Variants in EPC2 observed in about 807,000 individuals in gnomAD.
EPC2 encodes the protein enhancer of polycomb homolog 2.
A neutral mutation model predicts 92.1 loss-of-function variants in EPC2; 14 were observed. The observed-to-expected ratio is 0.15, with a 90% CI of 0.10 to 0.24. The LOEUF is 0.24. Ranked by LOEUF, EPC2 falls within the 10% of genes least tolerant of loss-of-function variation. The probability of loss-of-function intolerance (pLI) is 1.00; values close to 1 mark genes in which losing one functional copy is unlikely to be tolerated. For synonymous variants in EPC2, 340 were observed against 334.7 expected (o/e 1.02, Z -0.17); for missense variants, 755 against 971.5 (o/e 0.78, Z 2.96).
At chr2:148,732,090 G>T (rs538980567) in intron 2 of EPC2, among the ~76,000 whole-genome samples, 1 of 152,180 alleles carries the variant, frequency 6.6e-6, no homozygotes, top group Non-Finnish European at 1.5e-5. Context: ...CATGGAAGTT[G>T]TCCAGGCTCT....
At position 148,754,018 on chromosome 2, in the gene EPC2, A is replaced by G; in HGVS notation, c.551A>G (p.Asn184Ser). 1 of 1,611,784 alleles carries G rather than the reference A, an allele frequency of 6.2e-7. No individual in the cohort carries two copies. Among genetic ancestry groups the G allele is most frequent in the South Asian group, 1.1e-5 (1 of 90,488 alleles). The change falls in exon 4 of 14, where the codon AAC (asparagine) becomes AGC (serine). Residue 184 changes from asparagine to serine, a missense_variant. Physicochemically the swap from Asn to Ser is conservative, Grantham distance 46. This residue lies in a region of EPC2 where 509 missense variants were observed against 607.7 expected (regional missense o/e 0.84). Transcript: ENST00000258484. Reference sequence around the variant, plus strand: ...GACTACTGGGTGAGAAAACGTAAAAACTGCAGGGGGCCATCCCTCATTCCT... The same window carrying G: ...GACTACTGGGTGAGAAAACGTAAAAGCTGCAGGGGGCCATCCCTCATTCCT... ...VYDYWVRKRKNCRGPSLIPQI... is the reference protein window; with the variant it reads ...VYDYWVRKRKSCRGPSLIPQI...
At chr2:148,680,910 G>T (rs1477844547) in intron 1 of EPC2, among the ~76,000 whole-genome samples, 1 of 152,210 alleles carries the variant, frequency 6.6e-6, no homozygotes, top group Non-Finnish European at 1.5e-5. Flanking sequence ...TAGCAAGAAG[G>T]TTGCTGTAAT....
intron 1 of EPC2, among the ~76,000 whole-genome samples, chr2:148,646,144 A>C (rs1285282863): frequency 6.6e-6 from 1 of 152,126 alleles, no homozygotes; most frequent in African/African-American, 2.4e-5. Flanking sequence ...GAATTTCTTC[A>C]ATGAACCTAC....
intron 2 of EPC2, among the ~76,000 whole-genome samples, chr2:148,709,399 C>T (rs1280673155): frequency 1.3e-5 from 2 of 152,100 alleles, no homozygotes; most frequent in South Asian, 2.1e-4. Context: ...GAATCAATAT[C>T]GTAAAAATGG....
rs13016882 is a variant in EPC2 at position 148,726,778 on chromosome 2, T to G, written c.314-16844T>G. On this transcript the variant is annotated intron_variant, in intron 2 of 13. Transcript: ENST00000258484. ...GTTTTGTTTTTTGTTTTTTTTTTTT[T>G]TGCGTTTTTTTGTTTTTGAGTTTTA... Among the ~76,000 whole-genome samples, 15 of 150,342 alleles carry G rather than the reference T, an allele frequency of 1.0e-4. No homozygotes were observed. In the East Asian group the frequency reaches 1.2e-3, roughly 12 times the overall value.
At chr2:148,755,331 A>G (rs979312800) in intron 4 of EPC2, among the ~76,000 whole-genome samples, 2 of 152,150 alleles carry the variant, frequency 1.3e-5, no homozygotes, top group Admixed American at 6.5e-5. Context: ...AAGACTTTAT[A>G]AATGTGGACT....
intron 2 of EPC2, among the ~76,000 whole-genome samples, chr2:148,698,566 G>A (rs775647387): frequency 6.7e-6 from 1 of 150,334 alleles, no homozygotes; most frequent in Non-Finnish European, 1.5e-5. Flanking sequence ...AACCTGGGAG[G>A]TGGAGGTTTC....
At chr2:148,678,062 T>G (rs1574576668) in intron 1 of EPC2, among the ~76,000 whole-genome samples, 1 of 152,160 alleles carries the variant, frequency 6.6e-6, no homozygotes, top group East Asian at 1.9e-4. Context: ...TCCTGCTGAT[T>G]GGTAGAGCTG....
At chr2:148,682,881 AT>A (rs1265292793) in intron 1 of EPC2, among the ~76,000 whole-genome samples, 3 of 152,016 alleles carry the variant, frequency 2.0e-5, no homozygotes, top group Non-Finnish European at 4.4e-5. Context: ...TGCTACTCCC[AT>A]TCTTTTCTCT....
intron 2 of EPC2, among the ~76,000 whole-genome samples, chr2:148,741,843 AC>A (rs1176239492): frequency 2.6e-5 from 4 of 152,100 alleles, no homozygotes; most frequent in Admixed American, 1.3e-4. Flanking sequence ...CCATCTGTGA[AC>A]CCCTCCTTTT....
Position 148,786,294 on chromosome 2 carries a change from T to C in EPC2, c.2352-11T>C. ...TTGATATTTATTTTATCCTTTGCCT[T>C]ATTACCATAGAGAGAACCACGAACC... On this transcript the variant is annotated splice_polypyrimidine_tract_variant and intron_variant, in intron 13 of 13. Transcript: ENST00000258484. 2 of 1,606,254 alleles carry C rather than the reference T, an allele frequency of 1.2e-6. No homozygotes were observed. Among genetic ancestry groups the C allele is most frequent in the Non-Finnish European group, 1.7e-6 (2 of 1,174,714 alleles).
chr2:148,745,413 T>C (rs1264098163), intron 3 of EPC2, among the ~76,000 whole-genome samples: 1 of 152,074 alleles, frequency 6.6e-6, no homozygotes, highest in African/African-American at 2.4e-5. Flanking sequence ...ACAAGGCAGG[T>C]GATAGCAGTG....
chr2:148,694,819 C>T (rs1681713463), intron 2 of EPC2, among the ~76,000 whole-genome samples: 1 of 152,222 alleles, frequency 6.6e-6, no homozygotes, highest in Non-Finnish European at 1.5e-5. Context: ...GGCTGGAGTG[C>T]AGTGGTGCAA....
At chr2:148,751,875 C>CT (rs1683087716) in intron 3 of EPC2, among the ~76,000 whole-genome samples, 1 of 151,872 alleles carries the variant, frequency 6.6e-6, no homozygotes, top group Non-Finnish European at 1.5e-5. Flanking sequence ...TAGAAAGTTG[C>CT]TTTATAACAA....
chr2:148,663,522 T>G (rs914732948), intron 1 of EPC2, among the ~76,000 whole-genome samples: 5 of 151,304 alleles, frequency 3.3e-5, no homozygotes, highest in African/African-American at 1.2e-4. Flanking sequence ...CCAGCCAAGT[T>G]TTTTGTATTA....
chr2:148,778,379 C>T (rs1233730062), intron 10 of EPC2, among the ~76,000 whole-genome samples: 1 of 152,192 alleles, frequency 6.6e-6, no homozygotes, highest in Non-Finnish European at 1.5e-5. Flanking sequence ...TTTGTTCACT[C>T]TATAACTATT....
chr2:148,654,667 GAAAC>G (rs1056413291), intron 1 of EPC2, among the ~76,000 whole-genome samples: 4 of 152,132 alleles, frequency 2.6e-5, no homozygotes, highest in Admixed American at 6.5e-5. Context: ...CTGTCTCTTA[GAAAC>G]AAACAAACAA....
chr2:148,770,265 C>T (rs1024193081), intron 8 of EPC2, among the ~76,000 whole-genome samples: 2 of 152,128 alleles, frequency 1.3e-5, no homozygotes, highest in African/African-American at 4.8e-5. Context: ...GTCTTGAACT[C>T]CTGGTCTCTA....
intron 2 of EPC2, among the ~76,000 whole-genome samples, chr2:148,710,797 G>A (rs1339097704): frequency 6.6e-6 from 1 of 152,180 alleles, no homozygotes. Flanking sequence ...ATTGAACAAT[G>A]GGAACACTTG....
Sources: gnomAD v4.1 joint callset for allele counts (sites outside exome capture counted in the v4.1 genomes callset) on GRCh38, gnomAD v4.1.1 for gene constraint, gnomAD v4.1.1 regional missense constraint, MANE v1.5 for transcripts, NCBI Gene and HGNC (gene_info 2026-07-23, HGNC 2026-07-21) for gene names.